Variants in SKAP1 observed in about 807,000 individuals in gnomAD.
SKAP1 encodes src kinase associated phosphoprotein 1.
Under a neutral mutation model 58.5 loss-of-function variants are expected in SKAP1, and 44 were observed. The observed-to-expected ratio is 0.75, with a 90% CI of 0.59 to 0.97. The LOEUF (loss-of-function observed/expected upper bound fraction) is 0.97. Among genes scored for constraint, SKAP1 ranks in the 50% least tolerant of loss-of-function variants. SKAP1 has a pLI of 0.00. For missense variants in SKAP1, 390 were observed against 435.2 expected (o/e 0.90, Z 0.92); for synonymous variants, 127 against 149.7 (o/e 0.85, Z 1.11).
the SKAP1 span, among the ~76,000 whole-genome samples, chr17:48,438,551 C>G: frequency 6.6e-6 from 1 of 152,106 alleles, no homozygotes; most frequent in African/African-American, 2.4e-5. Flanking sequence ...TCCTTGGCAC[C>G]AGGCTCTAAC....
At chr17:48,387,533 A>G (rs62064990) in intron 2 of SKAP1, among the ~76,000 whole-genome samples, 3,406 of 152,326 alleles carry the variant, frequency 0.022, 65 homozygotes, top group Non-Finnish European at 0.035. Flanking sequence ...CAGAAAAATC[A>G]GTTCTTGCTT....
intron 4 of SKAP1, among the ~76,000 whole-genome samples, chr17:48,279,244 C>T (rs1156366903): frequency 6.6e-6 from 1 of 152,138 alleles, no homozygotes; most frequent in Non-Finnish European, 1.5e-5. Context: ...AGAGAAGATC[C>T]TCAGGGCGCT....
At chr17:48,279,673 T>C (rs1034845535) in intron 4 of SKAP1, among the ~76,000 whole-genome samples, 1 of 152,224 alleles carries the variant, frequency 6.6e-6, no homozygotes, top group Non-Finnish European at 1.5e-5. Context: ...TTGGGTGTCA[T>C]GAATGTGTAA....
At chr17:48,398,028 C>T (rs1264618460) in intron 1 of SKAP1, among the ~76,000 whole-genome samples, 2 of 152,080 alleles carry the variant, frequency 1.3e-5, no homozygotes, top group Admixed American at 6.6e-5. Context: ...AAAAATTGTG[C>T]GTGTAATATG....
At chr17:48,192,677 G>A (rs370203997) in intron 4 of SKAP1, among the ~76,000 whole-genome samples, 1 of 152,244 alleles carries the variant, frequency 6.6e-6, no homozygotes, top group South Asian at 2.1e-4. Flanking sequence ...TTACCCAGGG[G>A]GGAGGAAGTA....
chr17:48,212,052 G>T (rs2064878977), intron 4 of SKAP1, among the ~76,000 whole-genome samples: 1 of 150,756 alleles, frequency 6.6e-6, no homozygotes, highest in Admixed American at 6.7e-5. Context: ...CAGAACTGGG[G>T]GCTAGCTAGC....
chr17:48,150,244 G>T (rs1388281091), intron 11 of SKAP1, among the ~76,000 whole-genome samples: 1 of 152,182 alleles, frequency 6.6e-6, no homozygotes. Flanking sequence ...TTAAAAAGGT[G>T]ATTGCAATTA....
chr17:48,212,772 T>G (rs2064889478), intron 4 of SKAP1, among the ~76,000 whole-genome samples: 1 of 152,270 alleles, frequency 6.6e-6, no homozygotes, highest in Non-Finnish European at 1.5e-5. Flanking sequence ...TGCAATAGAC[T>G]TGTTTCCTTT....
At chr17:48,283,411 G>T (rs2065792452) in intron 4 of SKAP1, among the ~76,000 whole-genome samples, 1 of 152,178 alleles carries the variant, frequency 6.6e-6, no homozygotes, top group African/African-American at 2.4e-5. Context: ...GACTGCATGG[G>T]TTCAAATCAC....
At chr17:48,313,399 C>A (rs927834752) in intron 4 of SKAP1, among the ~76,000 whole-genome samples, 17 of 152,088 alleles carry the variant, frequency 1.1e-4, no homozygotes, top group African/African-American at 3.6e-4. Flanking sequence ...GTTCTGATAT[C>A]CAATTTTTAT....
At chr17:48,323,835 C>G (rs907881684) in intron 4 of SKAP1, among the ~76,000 whole-genome samples, 1 of 152,042 alleles carries the variant, frequency 6.6e-6, no homozygotes, top group African/African-American at 2.4e-5. Context: ...AGGCTGGCTA[C>G]TGTTCCTAAC....
chr17:48,144,448 A>T (rs564308449), intron 11 of SKAP1, among the ~76,000 whole-genome samples: 1 of 152,304 alleles, frequency 6.6e-6, no homozygotes, highest in South Asian at 2.1e-4. Context: ...TGCAAATGAG[A>T]TCCGGCCGAG....
At chr17:48,223,776 A>G (rs891121750) in intron 4 of SKAP1, among the ~76,000 whole-genome samples, 12 of 152,168 alleles carry the variant, frequency 7.9e-5, no homozygotes, top group African/African-American at 2.7e-4. Flanking sequence ...TCAGAACTTT[A>G]CTGGCATGTT....
At chr17:48,388,917 G>A (rs1240734235) in intron 2 of SKAP1, among the ~76,000 whole-genome samples, 1 of 152,158 alleles carries the variant, frequency 6.6e-6, no homozygotes, top group African/African-American at 2.4e-5. Flanking sequence ...GGTTATGGTA[G>A]AATTTACAAA....
chr17:48,170,255 T>A (rs901960323), intron 10 of SKAP1, among the ~76,000 whole-genome samples: 4 of 152,228 alleles, frequency 2.6e-5, no homozygotes, highest in African/African-American at 9.6e-5. Context: ...AGGAGACATT[T>A]CCATTCTTTC....
intron 4 of SKAP1, among the ~76,000 whole-genome samples, chr17:48,196,116 C>T (rs1364575157): frequency 2.6e-5 from 4 of 152,152 alleles, no homozygotes; most frequent in Non-Finnish European, 5.9e-5. Flanking sequence ...ACTTTACAGA[C>T]TAGGAAACTG....
At chr17:48,167,318 A>G (rs2064153729) in intron 10 of SKAP1, among the ~76,000 whole-genome samples, 2 of 152,124 alleles carry the variant, frequency 1.3e-5, no homozygotes, top group Admixed American at 1.3e-4. Context: ...CTATGATCTT[A>G]GTGGTATAAG....
chr17:48,433,228 T>C (rs563355519), upstream of SKAP1, among the ~76,000 whole-genome samples: 4 of 152,298 alleles, frequency 2.6e-5, no homozygotes, highest in Middle Eastern at 3.4e-3. Flanking sequence ...CCAAATCTGA[T>C]TGGGGGTAGC....
chr17:48,165,587 A>T (rs1263863273), intron 10 of SKAP1, among the ~76,000 whole-genome samples: 1 of 151,588 alleles, frequency 6.6e-6, no homozygotes, highest in African/African-American at 2.4e-5. Flanking sequence ...TTTAGTAGAG[A>T]CGGGGTTTCT....
Sources: gnomAD v4.1 joint callset for allele counts (sites outside exome capture counted in the v4.1 genomes callset) on GRCh38, gnomAD v4.1.1 for gene constraint, MANE v1.5 for transcripts, NCBI Gene and HGNC (gene_info 2026-07-23, HGNC 2026-07-21) for gene names.